MS4A6E: variants seen among roughly 807,000 people sequenced by gnomAD.
The protein encoded by MS4A6E is membrane-spanning 4-domains subfamily A member 6E.
In MS4A6E, 8 loss-of-function variants were observed where a neutral mutation model predicts 13.2. The ratio of observed to expected loss-of-function variants is 0.60; its 90% CI spans 0.35 to 1.09. The LOEUF (loss-of-function observed/expected upper bound fraction) is 1.09, where lower values mean the gene tolerates loss of function less well. Ranked by LOEUF, MS4A6E falls within the 50% of genes least tolerant of loss-of-function variation. The pLI is 0.02. For missense variants in MS4A6E, 177 were observed against 171.1 expected (o/e 1.03, Z -0.19); for synonymous variants, 72 against 67.6 (o/e 1.06, Z -0.32).
chr11:60,343,110 C>A (rs764022930), downstream of MS4A6E, among the ~76,000 whole-genome samples: 1 of 140,662 alleles, frequency 7.1e-6, no homozygotes, highest in Non-Finnish European at 1.5e-5. Flanking sequence ...GTTCTGCCTG[C>A]AGCACCATTT....
At chr11:60,343,037 G>A (rs1443329299), downstream of MS4A6E, among the ~76,000 whole-genome samples, 1 of 152,176 alleles carries the variant, frequency 6.6e-6, no homozygotes, top group East Asian at 1.9e-4. Flanking sequence ...AGTGGGGACA[G>A]CAGCTAGGGC....
chr11:60,349,027 G>A (rs1218746200), intron 4 of MS4A6E, among the ~76,000 whole-genome samples: 4 of 152,086 alleles, frequency 2.6e-5, no homozygotes. Context: ...GAATGGGGTG[G>A]GGGTGGATAA....
intron 1 of MS4A6E, among the ~76,000 whole-genome samples, chr11:60,333,119 C>T (rs1372360676): frequency 6.6e-6 from 1 of 152,246 alleles, no homozygotes; most frequent in Non-Finnish European, 1.5e-5. Flanking sequence ...CCTTCCTTCT[C>T]TGGATCCCTT....
At position 60,335,007 on chromosome 11, in the gene MS4A6E, A is replaced by G; in HGVS notation, c.112A>G (p.Lys38Glu). The G allele has an allele frequency of 6.2e-7, 1 of 1,614,184 alleles. No homozygotes were observed. Among genetic ancestry groups the G allele is most frequent in the Non-Finnish European group, 8.5e-7 (1 of 1,180,026 alleles). ...EPTNQGQDSL[K>E]KRLQAKVKVI... ...CACCAACCAGGGGCAGGATAGCCTG[A>G]AGAAACGTCTACAGGCAAAAGTCAA... The change falls in exon 2 of 5, where the codon AAG becomes GAG. Residue 38 changes from lysine to glutamate, a missense_variant. Transcript: ENST00000684409.
At chr11:60,346,794 C>T (rs2085257745) in intron 4 of MS4A6E, among the ~76,000 whole-genome samples, 1 of 152,166 alleles carries the variant, frequency 6.6e-6, no homozygotes, top group Non-Finnish European at 1.5e-5. Flanking sequence ...TTCTCCTTTT[C>T]AGTCTACTAT....
chr11:60,334,764 C>T (rs1182682035), intron 1 of MS4A6E, 118 bp from the exon 2 acceptor site: 5 of 1,111,340 alleles, frequency 4.5e-6, no homozygotes, highest in Non-Finnish European at 6.5e-6. Context: ...ATATCAGTTT[C>T]TTTCTCTAAC....
downstream of MS4A6E, among the ~76,000 whole-genome samples, chr11:60,344,909 T>G (rs2085248809): frequency 1.4e-5 from 1 of 70,738 alleles, no homozygotes; most frequent in South Asian, 9.2e-4. Flanking sequence ...TTTGTTTGTT[T>G]TGTTTTTTTT....
intron 3 of MS4A6E, 50 bp downstream of exon 3, chr11:60,337,997 C>T: frequency 6.4e-7 from 1 of 1,553,184 alleles, no homozygotes; most frequent in Non-Finnish European, 8.8e-7. Flanking sequence ...TTTCTGAAAG[C>T]CTTGATTTCT....
rs978063392 is a variant in MS4A6E at position 60,335,749 on chromosome 11, G to A, written c.147+707G>A. ...TTTCTATGAGGCTCAGGTGACAAAAGGTCTAGGAAACTTCTTGGTAAATGA... is the reference window on the plus strand; with the variant it reads ...TTTCTATGAGGCTCAGGTGACAAAAAGTCTAGGAAACTTCTTGGTAAATGA... On this transcript the variant is annotated intron_variant, in intron 2 of 4. Transcript: ENST00000684409. 10 of 331,456 alleles carry A rather than the reference G, an allele frequency of 3.0e-5. No homozygotes were observed. In the Admixed American group the frequency reaches 4.2e-4, roughly 14 times the overall value. The allele number at this position is 331,456 out of a possible 1,614,324, so 20.5% of individuals were successfully genotyped here.
intron 2 of MS4A6E, among the ~76,000 whole-genome samples, chr11:60,337,508 C>T (rs1367797238): frequency 4.6e-5 from 7 of 152,120 alleles, no homozygotes; most frequent in African/African-American, 1.4e-4. Flanking sequence ...TACCACACTA[C>T]TGAGGTCCTG....
At chr11:60,339,541 G>A (rs2085210137) in intron 3 of MS4A6E, among the ~76,000 whole-genome samples, 1 of 152,170 alleles carries the variant, frequency 6.6e-6, no homozygotes, top group South Asian at 2.1e-4. Context: ...TCTCAGTCCT[G>A]GGAGCTATTA....
At chr11:60,339,492 A>G (rs1398549368) in intron 3 of MS4A6E, among the ~76,000 whole-genome samples, 2 of 152,188 alleles carry the variant, frequency 1.3e-5, no homozygotes, top group Non-Finnish European at 2.9e-5. Flanking sequence ...TTACACAGCT[A>G]CTCAGCAGTA....
At chr11:60,332,299 T>C (rs969856377) in intron 1 of MS4A6E, among the ~76,000 whole-genome samples, 4 of 152,234 alleles carry the variant, frequency 2.6e-5, no homozygotes, top group African/African-American at 9.6e-5. Context: ...GAAACTCGGA[T>C]ATCAAGGTAT....
At chr11:60,345,133 A>G (rs1401031782), downstream of MS4A6E, among the ~76,000 whole-genome samples, 1 of 151,844 alleles carries the variant, frequency 6.6e-6, no homozygotes, top group African/African-American at 2.4e-5. Flanking sequence ...ATGGGGTTTC[A>G]CCGTGTTAGC....
intron 1 of MS4A6E, among the ~76,000 whole-genome samples, chr11:60,329,843 T>G (rs2085142954): frequency 1.6e-5 from 2 of 123,638 alleles, no homozygotes; most frequent in Admixed American, 1.7e-4. Flanking sequence ...TTTTTTTTTT[T>G]GAGATAGAAT....
intron 1 of MS4A6E, among the ~76,000 whole-genome samples, chr11:60,332,706 C>G (rs936121754): frequency 1.3e-5 from 2 of 152,196 alleles, no homozygotes; most frequent in Non-Finnish European, 2.9e-5. Flanking sequence ...CATAAAACTG[C>G]TCTTTATTAG....
At chr11:60,331,042 A>T (rs1161861986) in intron 1 of MS4A6E, among the ~76,000 whole-genome samples, 2 of 152,166 alleles carry the variant, frequency 1.3e-5, no homozygotes, top group Non-Finnish European at 2.9e-5. Context: ...GTTTGAAGTC[A>T]GTAGTAACCA....
intron 4 of MS4A6E, among the ~76,000 whole-genome samples, chr11:60,348,749 C>A (rs947821524): frequency 1.3e-5 from 2 of 152,252 alleles, no homozygotes; most frequent in Non-Finnish European, 2.9e-5. Flanking sequence ...ATATGGCCAA[C>A]ATGCCCAGTA....
chr11:60,329,101 A>G (rs6591566), intron 1 of MS4A6E, among the ~76,000 whole-genome samples: 52,854 of 151,738 alleles, frequency 0.35, 9,861 homozygotes, highest in East Asian at 0.41. Flanking sequence ...CCATCAACCC[A>G]TCGTCTACAT....
Sources: gnomAD v4.1 joint callset for allele counts (sites outside exome capture counted in the v4.1 genomes callset) on GRCh38, gnomAD v4.1.1 for gene constraint, MANE v1.5 for transcripts, NCBI Gene and HGNC (gene_info 2026-07-23, HGNC 2026-07-21) for gene names.